The following CIT variants were observed in gnomAD, a reference collection of about 807,000 sequenced individuals.
The protein encoded by CIT is citron rho-interacting serine/threonine kinase.
Under a neutral mutation model 272.7 loss-of-function variants are expected in CIT, and 79 were observed. The observed-to-expected ratio is 0.29, with a 90% confidence interval of 0.24 to 0.35. The LOEUF is 0.35. Among genes scored for constraint, CIT ranks in the 10% least tolerant of loss-of-function variants. The pLI, the probability that CIT is intolerant of heterozygous loss-of-function variation, is 1.00. For synonymous variants in CIT, 948 were observed against 995.6 expected, an observed-to-expected ratio of 0.95 and a Z score of 0.90; for missense variants, 1,909 against 2,618.3, an observed-to-expected ratio of 0.73 and a Z score of 5.91.
At chr12:119,778,372 C>T (rs1268022385) in intron 13 of CIT, among the ~76,000 whole-genome samples, 3 of 152,148 alleles carry the variant, frequency 2.0e-5, no homozygotes, top group Admixed American at 2.0e-4. Flanking sequence ...TATGAATGAG[C>T]ATTTATGTAA....
chr12:119,785,657 G>A (rs1593737960), intron 10 of CIT, among the ~76,000 whole-genome samples: 1 of 152,134 alleles, frequency 6.6e-6, no homozygotes. Flanking sequence ...TCGGCTCACT[G>A]CAACCTCCAC....
chr12:119,759,361 C>T (rs912119592), intron 20 of CIT, among the ~76,000 whole-genome samples: 3 of 152,146 alleles, frequency 2.0e-5, no homozygotes, highest in Non-Finnish European at 4.4e-5. Context: ...AATCGAATGC[C>T]GCCAGCCGGG....
chr12:119,819,003 T>C (rs898727983), intron 9 of CIT, among the ~76,000 whole-genome samples: 10 of 152,148 alleles, frequency 6.6e-5, no homozygotes, highest in Admixed American at 5.9e-4. Flanking sequence ...GGAGCTCTGA[T>C]TGGCTTCAGC....
intron 26 of CIT, among the ~76,000 whole-genome samples, chr12:119,732,111 T>A (rs924275167): frequency 6.6e-6 from 1 of 152,014 alleles, no homozygotes. Context: ...CTCCTAAATA[T>A]CTGAATCCAT....
chr12:119,752,760 C>T (rs1960426441), intron 22 of CIT, among the ~76,000 whole-genome samples: 1 of 152,218 alleles, frequency 6.6e-6, no homozygotes, highest in African/African-American at 2.4e-5. Context: ...CCTCCATCTG[C>T]TCATCCATCC....
At chr12:119,822,479 G>A (rs1967806386) in intron 9 of CIT, among the ~76,000 whole-genome samples, 1 of 152,200 alleles carries the variant, frequency 6.6e-6, no homozygotes, top group African/African-American at 2.4e-5. Context: ...TTCCTGATAT[G>A]TGAATGAAAT....
chr12:119,694,766 C>T lies in CIT; in HGVS notation c.5882+2893G>A, dbSNP rs1413546633. ...AGGTTGCAGTGAGCCGAGATCACGC[C>T]ACTGTGCTCCAGCCTGGGCACAGAG... On this transcript the variant is annotated intron_variant, in intron 46 of 47. Coordinates refer to ENST00000392521, the MANE Select transcript of CIT (RefSeq NM_001206999.2). The surrounding 1 kb of genome is among the most constrained non-coding windows in gnomAD (Gnocchi z 4.5). Among the ~76,000 whole-genome samples the T allele has an allele frequency of 1.3e-5, 2 of 152,020 alleles. No homozygotes were observed. The highest frequency in any genetic ancestry group is 2.4e-5 in the African/African-American group (1 of 41,374).
Position 119,694,713 on chromosome 12 carries a change from C to CG in CIT, c.5882+2945dup, listed in dbSNP as rs1197934474. 1.3e-5 allele frequency among the ~76,000 whole-genome samples: 2 copies of CG among 151,908 alleles called. No homozygotes were observed. Among genetic ancestry groups the CG allele is most frequent in the Non-Finnish European group, 2.9e-5 (2 of 67,980 alleles). ...CAGCTACTCGGGGGGAGGCTGAAGTCGGGGGCTCTCTTGAGCCCAGGAGGC... is the reference window on the plus strand; with the variant it reads ...CAGCTACTCGGGGGGAGGCTGAAGTCGGGGGGCTCTCTTGAGCCCAGGAGGC... On this transcript the variant is annotated intron_variant, in intron 46 of 47. Transcript: ENST00000392521. The surrounding 1 kb of genome is among the most constrained non-coding windows in gnomAD (Gnocchi z 4.5).
intron 2 of CIT, among the ~76,000 whole-genome samples, chr12:119,874,308 G>A (rs1373479392): frequency 6.6e-6 from 1 of 152,096 alleles, no homozygotes; most frequent in Non-Finnish European, 1.5e-5. Context: ...GTGACCTCAA[G>A]TAATCCGCCC....
At chr12:119,701,214 GGGGAGGGGA>G (rs1231515050) in intron 43 of CIT, among the ~76,000 whole-genome samples, 4 of 98,092 alleles carry the variant, frequency 4.1e-5, no homozygotes, top group Non-Finnish European at 8.1e-5. Context: ...GGATGGGGAG[GGGGAGGGGA>G]GGGAGGGGAT....
rs79170354 is a variant in CIT, at chr12:119,832,125, C to T, written c.753+646G>A. Among the ~76,000 whole-genome samples the T allele has an allele frequency of 6.3e-3, 961 of 152,166 alleles. 4 individuals are homozygous for T. The highest frequency in any genetic ancestry group is 0.022 in the African/African-American group (909 of 41,528). On this transcript the variant is annotated intron_variant, in intron 7 of 47. Coordinates refer to ENST00000392521, the MANE Select transcript of CIT (RefSeq NM_001206999.2). Reference sequence around the variant, plus strand: ...TTTCTCTTAGACCTATCCTTTTTTGCGGAGTTGACTTCCAAATTCATATTT... The same window carrying T: ...TTTCTCTTAGACCTATCCTTTTTTGTGGAGTTGACTTCCAAATTCATATTT...
At chr12:119,807,890 T>C (rs1352429114) in intron 9 of CIT, among the ~76,000 whole-genome samples, 1 of 143,944 alleles carries the variant, frequency 6.9e-6, no homozygotes, top group Non-Finnish European at 1.5e-5. Flanking sequence ...GAAAAGCCAC[T>C]AAAAAAAAAA....
In CIT at chr12:119,744,714, CAA is replaced by C. The variant is rs33990797; in HGVS notation, c.2905-2252_2905-2251del. 2.5e-3 allele frequency among the ~76,000 whole-genome samples: 255 copies of C among 103,516 alleles called. 1 individual carries two copies. The highest frequency in any genetic ancestry group is 9.1e-3 in the African/African-American group (237 of 26,184). The allele number at this position is 103,516 out of a possible 152,430, so 67.9% of individuals were successfully genotyped here. A position where few individuals can be genotyped will look rare whatever the true frequency, so the allele number is the denominator to read the frequency against. ...TGGGCAACAGGGCGAGACTCCGCCT[CAA>C]AAAAAAAAAAAAAAAAAAGTCTATA... On this transcript the variant is annotated intron_variant, in intron 23 of 47. Transcript: ENST00000392521.
chr12:119,722,866 G>C (rs1437951561), intron 28 of CIT, among the ~76,000 whole-genome samples: 1 of 151,984 alleles, frequency 6.6e-6, no homozygotes, highest in Non-Finnish European at 1.5e-5. Flanking sequence ...TTCCCTAACA[G>C]TACTGCCACA....
Position 119,832,867 on chromosome 12 carries a change from G to A in CIT, c.660-3C>T. The A allele has an allele frequency of 6.2e-7, 1 of 1,611,378 alleles. No homozygotes were observed. Among genetic ancestry groups the A allele is most frequent in the Non-Finnish European group, 8.5e-7 (1 of 1,177,604 alleles). On this transcript the variant is annotated splice_polypyrimidine_tract_variant and splice_region_variant and intron_variant, in intron 6 of 47. Coordinates refer to ENST00000392521, the MANE Select transcript of CIT (RefSeq NM_001206999.2). ...GAATGTTCTCAGGCTTGATGTCTCT[G>A]TAAGAAAATCAGGACCATGAATTGC...
At chr12:119,779,142 C>T (rs1025559897) in intron 13 of CIT, among the ~76,000 whole-genome samples, 6 of 152,106 alleles carry the variant, frequency 3.9e-5, no homozygotes, top group Non-Finnish European at 8.8e-5. Context: ...ACTGCTTGAA[C>T]CTGGGAGGCA....
chr12:119,789,989 C>T (rs1965172936), intron 10 of CIT, among the ~76,000 whole-genome samples: 1 of 151,822 alleles, frequency 6.6e-6, no homozygotes, highest in Non-Finnish European at 1.5e-5. Context: ...GCTGGGATTA[C>T]AGGGGTGAGC....
rs1052865625 is a variant in CIT at position 119,784,374 on chromosome 12, T to C, written c.1402-323A>G. On this transcript the variant is annotated intron_variant, in intron 11 of 47. Transcript: ENST00000392521. The surrounding 1 kb of genome is among the most constrained non-coding windows in gnomAD (Gnocchi z 4.7). ...TTGTTTTGTTTTTGCAGACGTCACT[T>C]TAATTTTATCCCAAATCCATCTTGA... is the stretch of plus-strand genomic sequence containing the variant. 13 of 1,265,876 alleles carry C rather than the reference T, an allele frequency of 1.0e-5. No homozygotes were observed. In the East Asian group the frequency reaches 5.9e-4, roughly 57 times the overall value. 78.4% of individuals were successfully genotyped at this position (1,265,876 alleles called of 1,614,324 possible). A position where few individuals can be genotyped will look rare whatever the true frequency, so the allele number is the denominator to read the frequency against.
At chr12:119,737,296 G>A (rs960822249) in intron 24 of CIT, among the ~76,000 whole-genome samples, 2 of 70,874 alleles carry the variant, frequency 2.8e-5, no homozygotes, top group African/African-American at 5.5e-5. Context: ...GACAGAGCAA[G>A]ATTCCATCTC....
Sources: allele counts gnomAD v4.1 joint callset (sites outside exome capture counted in the v4.1 genomes callset), GRCh38; gene constraint gnomAD v4.1.1; non-coding constraint Gnocchi (gnomAD v3.1); transcripts MANE v1.5; gene names NCBI Gene and HGNC (gene_info 2026-07-23, HGNC 2026-07-21).